The following POLR2F variants were observed in gnomAD, a reference collection of about 807,000 sequenced individuals.
POLR2F encodes RNA polymerase II, I and III subunit F, also known as DNA-directed RNA polymerases I, II, and III subunit RPABC2.
Under a neutral mutation model 22.7 loss-of-function variants are expected in POLR2F, and 12 were observed. The observed-to-expected ratio is 0.53, with a 90% CI of 0.34 to 0.86. The LOEUF (loss-of-function observed/expected upper bound fraction) is 0.86, where lower values mean the gene tolerates loss of function less well. POLR2F is among the 40% of genes least tolerant of loss of function. The probability of loss-of-function intolerance (pLI) is 0.02; values close to 1 mark genes in which losing one functional copy is unlikely to be tolerated. For missense variants in POLR2F, 126 were observed against 171.5 expected (o/e 0.73, Z 1.48); for synonymous variants, 57 against 66.0 (o/e 0.86, Z 0.66).
At chr22:37,955,290 G>C (rs977162468) in intron 1 of POLR2F, among the ~76,000 whole-genome samples, 1 of 150,058 alleles carries the variant, frequency 6.7e-6, no homozygotes, top group Non-Finnish European at 1.5e-5. Flanking sequence ...TCTAATCCCA[G>C]CACTTTGGGA....
At chr22:38,019,387 G>T (rs2084941313) in intron 1 of POLR2F, among the ~76,000 whole-genome samples, 1 of 152,172 alleles carries the variant, frequency 6.6e-6, no homozygotes, top group South Asian at 2.1e-4. Flanking sequence ...CTGCCCAGCA[G>T]CTGGAGACAC....
upstream of POLR2F, among the ~76,000 whole-genome samples, chr22:37,985,659 A>AC (rs1932548506): frequency 6.6e-6 from 1 of 151,884 alleles, no homozygotes; most frequent in Admixed American, 6.6e-5. Flanking sequence ...CCCCAAGACC[A>AC]CCCCAAGGGG....
At chr22:38,025,746 C>A in intron 1 of POLR2F, 1 of 1,528,576 alleles carries the variant, frequency 6.5e-7, no homozygotes, top group South Asian at 1.3e-5. Flanking sequence ...TGCTGATGGT[C>A]TCACCCGAGC....
intron 4 of POLR2F, among the ~76,000 whole-genome samples, chr22:37,979,222 C>T (rs1470457061): frequency 3.9e-5 from 6 of 152,076 alleles, no homozygotes. Flanking sequence ...CTCAGCCTCC[C>T]GGGTAGCTGG....
At chr22:38,029,699 A>G (rs2085047460), downstream of POLR2F, among the ~76,000 whole-genome samples, 2 of 152,146 alleles carry the variant, frequency 1.3e-5, no homozygotes, top group Admixed American at 1.3e-4. Context: ...GTCCTCCATT[A>G]ACACCCCATC....
intron 1 of POLR2F, among the ~76,000 whole-genome samples, chr22:38,010,435 G>A (rs1331840112): frequency 6.6e-6 from 1 of 151,480 alleles, no homozygotes; most frequent in Non-Finnish European, 1.5e-5. Context: ...AGAGAGAAAG[G>A]ATCAAACTGT....
At chr22:38,026,657 A>G in exon 3 of POLR2F, 1 of 255,912 alleles carries the variant, frequency 3.9e-6, no homozygotes, top group Non-Finnish European at 7.8e-6. Context: ...TTAGAGAAAT[A>G]CATTTTTGGG....
chr22:37,998,439 C>T (rs1001075084), intron 1 of POLR2F, among the ~76,000 whole-genome samples: 10 of 152,212 alleles, frequency 6.6e-5, no homozygotes, highest in Non-Finnish European at 1.3e-4. Context: ...CTCACACTTA[C>T]ATCTGGACAG....
At chr22:38,030,555 G>A (rs73417887), downstream of POLR2F, among the ~76,000 whole-genome samples, 3,249 of 152,214 alleles carry the variant, frequency 0.021, 122 homozygotes, top group African/African-American at 0.075. Flanking sequence ...CCTTCTCCCC[G>A]ATCATTCCCA....
At position 37,986,911 on chromosome 22, in the gene POLR2F, C is replaced by T. The variant is rs1274907947; in HGVS notation, c.120+599C>T. The T allele has an allele frequency of 1.1e-5, 5 of 451,664 alleles. No individual in the cohort carries two copies. The Admixed American group carries it at 1.2e-4, about 11-fold the overall frequency. 28.0% of individuals were successfully genotyped at this position (451,664 alleles called of 1,614,324 possible). A position where few individuals can be genotyped will look rare whatever the true frequency, so the allele number is the denominator to read the frequency against. Reference sequence around the variant, plus strand: ...AGGGAGCTTGGAGAGGGGAGGGATCCTGGCTGAAGACACCTGGGCCTCTGC... The same window carrying T: ...AGGGAGCTTGGAGAGGGGAGGGATCTTGGCTGAAGACACCTGGGCCTCTGC... On this transcript the variant is annotated intron_variant, in intron 1 of 2. Coordinates refer to the POLR2F transcript ENST00000333418. The surrounding 1 kb of genome is among the most constrained non-coding windows in gnomAD (Gnocchi z 4.7).
chr22:38,015,487 C>T (rs1262681173), intron 1 of POLR2F, among the ~76,000 whole-genome samples: 1 of 152,226 alleles, frequency 6.6e-6, no homozygotes, highest in African/African-American at 2.4e-5. Flanking sequence ...TTGGGATCAA[C>T]TCTGGAATAG....
rs1167110888 is a variant in POLR2F, at chr22:37,997,431, CCT to C, written c.120+11120_120+11121del. 3.9e-5 allele frequency among the ~76,000 whole-genome samples: 6 copies of C among 152,082 alleles called. No homozygotes were observed. Among genetic ancestry groups the C allele is most frequent in the Non-Finnish European group, 8.8e-5 (6 of 68,024 alleles). ...CCCTGGCTCCCTGTCTCTCTCCAGCCCTGTCTCTGTCTCTCCCTGTTTTTCTC... is the reference window on the plus strand; with the variant it reads ...CCCTGGCTCCCTGTCTCTCTCCAGCCGTCTCTGTCTCTCCCTGTTTTTCTC... On this transcript the variant is annotated intron_variant, in intron 1 of 2. Coordinates refer to the POLR2F transcript ENST00000333418. This position sits in a 1 kb window ranked among gnomAD's most constrained non-coding sequence, Gnocchi z 4.4.
At chr22:37,965,884 G>C (rs1032171067) in intron 3 of POLR2F, among the ~76,000 whole-genome samples, 1 of 152,168 alleles carries the variant, frequency 6.6e-6, no homozygotes, top group Admixed American at 6.5e-5. Context: ...GGATTTGTTG[G>C]TGTGAACCTG....
At chr22:37,972,402 T>C (rs1601877669), downstream of POLR2F, 5 of 393,242 alleles carry the variant, frequency 1.3e-5, no homozygotes, top group Middle Eastern at 3.7e-4. Flanking sequence ...CTGAGATAAA[T>C]AACAGGAGAC....
chr22:37,978,056 C>A lies in POLR2F; in HGVS notation c.293+10886C>A. 1 of 1,610,450 alleles carries A rather than the reference C, an allele frequency of 6.2e-7. No individual in the cohort carries two copies. The highest frequency in any genetic ancestry group is 8.5e-7 in the Non-Finnish European group (1 of 1,179,056). ...CGCCGCCTGGGCTGGTACTTGTAGT[C>A]CGGGTGGTCTTTCTTGTGCTGCATA... On this transcript the variant is annotated intron_variant, in intron 4 of 4. Coordinates refer to the POLR2F transcript ENST00000405557. This position sits in a 1 kb window ranked among gnomAD's most constrained non-coding sequence, Gnocchi z 5.0.
At chr22:38,011,243 A>G (rs1315053800) in intron 1 of POLR2F, among the ~76,000 whole-genome samples, 1 of 151,692 alleles carries the variant, frequency 6.6e-6, no homozygotes, top group Non-Finnish European at 1.5e-5. Flanking sequence ...CTGGGACTAT[A>G]GGCATTCGCA....
chr22:37,965,147 A>G (rs980749787), intron 3 of POLR2F, among the ~76,000 whole-genome samples: 5 of 152,168 alleles, frequency 3.3e-5, no homozygotes, highest in Non-Finnish European at 7.4e-5. Context: ...CTGGGACTAC[A>G]GGCATGTGCC....
At chr22:38,004,295 G>A (rs1182972475) in intron 1 of POLR2F, among the ~76,000 whole-genome samples, 6 of 152,154 alleles carry the variant, frequency 3.9e-5, no homozygotes, top group African/African-American at 1.4e-4. Flanking sequence ...GGGCTGGAGT[G>A]TTAACACCGG....
chr22:38,026,252 CCT>C (rs1310287274), intron 2 of POLR2F: 2 of 533,202 alleles, frequency 3.8e-6, no homozygotes, highest in South Asian at 2.8e-5. Context: ...ACTCAATTTC[CCT>C]CTCTTTCCCT....
Sources: allele counts gnomAD v4.1 joint callset (sites outside exome capture counted in the v4.1 genomes callset), GRCh38; gene constraint gnomAD v4.1.1; non-coding constraint Gnocchi (gnomAD v3.1); transcripts MANE v1.5; gene names NCBI Gene and HGNC (gene_info 2026-07-23, HGNC 2026-07-21).